The following NELL1 variants were observed in gnomAD, a reference collection of about 807,000 sequenced individuals.
NELL1 encodes neural EGFL like 1.
Under a neutral mutation model 107.4 loss-of-function variants are expected in NELL1, and 76 were observed. The ratio of observed to expected loss-of-function variants is 0.71; its 90% confidence interval spans 0.59 to 0.86. The LOEUF (loss-of-function observed/expected upper bound fraction) is 0.86, where lower values mean the gene tolerates loss of function less well. NELL1 is among the 40% of genes least tolerant of loss of function. The pLI is 0.00. For missense variants in NELL1, 1,024 were observed against 1,005.5 expected, an observed-to-expected ratio of 1.02 and a Z score of -0.25; for synonymous variants, 353 against 341.2, an observed-to-expected ratio of 1.03 and a Z score of -0.38.
At chr11:20,915,813 T>C (rs554384184) in intron 5 of NELL1, among the ~76,000 whole-genome samples, 1 of 149,278 alleles carries the variant, frequency 6.7e-6, no homozygotes, top group Non-Finnish European at 1.5e-5. Flanking sequence ...TGAAGGAAAC[T>C]ACATGCTTAG....
intron 12 of NELL1, among the ~76,000 whole-genome samples, chr11:21,054,311 G>C (rs938591): frequency 0.35 from 52,595 of 151,766 alleles, 10,713 homozygotes; most frequent in East Asian, 0.58. Context: ...CTTAAATATT[G>C]AAACCATAAT....
At chr11:21,194,253 C>T (rs1466078143) in intron 13 of NELL1, among the ~76,000 whole-genome samples, 2 of 149,294 alleles carry the variant, frequency 1.3e-5, no homozygotes, top group South Asian at 2.1e-4. Flanking sequence ...TCTTCACCTC[C>T]GGGTTCTAAC....
intron 14 of NELL1, among the ~76,000 whole-genome samples, chr11:21,349,015 C>A (rs1166499059): frequency 2.0e-5 from 3 of 152,072 alleles, no homozygotes; most frequent in African/African-American, 7.2e-5. Context: ...AGTGAAATAA[C>A]AGGAAATCAG....
chr11:21,269,556 GA>G (rs1484098647), intron 14 of NELL1, among the ~76,000 whole-genome samples: 4 of 152,014 alleles, frequency 2.6e-5, no homozygotes, highest in South Asian at 4.2e-4. Flanking sequence ...AGTGTTGAGG[GA>G]AAAAAAGCAA....
intron 14 of NELL1, among the ~76,000 whole-genome samples, chr11:21,263,128 G>A (rs906174613): frequency 2.0e-5 from 3 of 151,820 alleles, no homozygotes; most frequent in African/African-American, 7.3e-5. Context: ...TAATCATGGT[G>A]AGTAATCAAG....
At chr11:21,101,825 C>T (rs1854824441) in intron 12 of NELL1, among the ~76,000 whole-genome samples, 1 of 152,130 alleles carries the variant, frequency 6.6e-6, no homozygotes, top group Non-Finnish European at 1.5e-5. Flanking sequence ...TTTTGCTGTG[C>T]AGAAGCTCTT....
chr11:20,715,065 A>C (rs1362723833), intron 2 of NELL1, among the ~76,000 whole-genome samples: 1 of 152,000 alleles, frequency 6.6e-6, no homozygotes. Context: ...AACATGGTGA[A>C]ACCCCGTCTC....
intron 12 of NELL1, among the ~76,000 whole-genome samples, chr11:20,965,785 T>C (rs1002197200): frequency 2.0e-5 from 3 of 151,932 alleles, no homozygotes; most frequent in African/African-American, 7.3e-5. Context: ...GCTGGGAAAG[T>C]GGTAGAGAGA....
At chr11:21,154,576 G>A (rs1856189989) in intron 13 of NELL1, among the ~76,000 whole-genome samples, 1 of 152,106 alleles carries the variant, frequency 6.6e-6, no homozygotes, top group African/African-American at 2.4e-5. Flanking sequence ...TTAAATTATA[G>A]ATTCTCTTTT....
At chr11:21,108,123 G>T (rs1369072779) in intron 12 of NELL1, among the ~76,000 whole-genome samples, 1 of 152,176 alleles carries the variant, frequency 6.6e-6, no homozygotes, top group Non-Finnish European at 1.5e-5. Flanking sequence ...TGTACACAGG[G>T]AGTGGGGAAT....
intron 12 of NELL1, among the ~76,000 whole-genome samples, chr11:21,044,876 TG>T (rs1853319281): frequency 6.6e-6 from 1 of 152,078 alleles, no homozygotes; most frequent in Admixed American, 6.6e-5. Context: ...GTCTCAGAGA[TG>T]GGGAAGAGGG....
chr11:21,066,236 A>G (rs1853867332), intron 12 of NELL1, among the ~76,000 whole-genome samples: 1 of 152,150 alleles, frequency 6.6e-6, no homozygotes, highest in Admixed American at 6.6e-5. Context: ...CTGTTCTCTT[A>G]GTACACCATT....
chr11:21,173,902 C>A (rs780207357), intron 13 of NELL1, among the ~76,000 whole-genome samples: 3 of 151,682 alleles, frequency 2.0e-5, no homozygotes, highest in Non-Finnish European at 2.9e-5. Context: ...TACCTAATCT[C>A]TGTCCTAAAT....
chr11:21,410,924 C>T lies in NELL1; in HGVS notation c.1645+39976C>T, dbSNP rs554491625. Among the ~76,000 whole-genome samples, 329 of 152,092 alleles carry T rather than the reference C, an allele frequency of 2.2e-3. 4 individuals carry two copies. The highest frequency in any genetic ancestry group is 7.4e-3 in the African/African-American group (307 of 41,538). The stretch of plus-strand genomic sequence containing the variant: ...TAATATAAACTCAGAATTTCTTCCC[C>T]CACCCCCAACAGATGGTTCATATGG... On this transcript the variant is annotated intron_variant, in intron 15 of 19. Transcript: ENST00000357134.
intron 4 of NELL1, among the ~76,000 whole-genome samples, chr11:20,867,143 T>C (rs191044344): frequency 3.2e-4 from 49 of 152,218 alleles, no homozygotes; most frequent in African/African-American, 9.1e-4. Flanking sequence ...TCAACTGTTA[T>C]AGGATTAGAA....
intron 13 of NELL1, among the ~76,000 whole-genome samples, chr11:21,159,611 C>A (rs1488475949): frequency 6.6e-6 from 1 of 152,192 alleles, no homozygotes; most frequent in Non-Finnish European, 1.5e-5. Context: ...AAGATCCTGG[C>A]AGAAGGCATC....
chr11:21,411,429 ATG>A (rs1239322141), intron 15 of NELL1, among the ~76,000 whole-genome samples: 1 of 152,034 alleles, frequency 6.6e-6, no homozygotes, highest in East Asian at 1.9e-4. Context: ...CTCTATATTA[ATG>A]TGTGTCTATC....
rs1262914360 is a variant in NELL1, at chr11:21,095,282, A to G, written c.1301-18307A>G. 4.6e-5 allele frequency among the ~76,000 whole-genome samples: 7 copies of G among 152,178 alleles called. No homozygotes were observed. The East Asian group carries it at 1.3e-3, about 29-fold the overall frequency. ...CCTGAACCTTATTGTCCATATCGCTATCAGGCTTTTCATCAAAGCCATTCA... is the reference window on the plus strand; with the variant it reads ...CCTGAACCTTATTGTCCATATCGCTGTCAGGCTTTTCATCAAAGCCATTCA... On this transcript the variant is annotated intron_variant, in intron 12 of 19. Coordinates refer to ENST00000357134, the MANE Select transcript of NELL1 (RefSeq NM_006157.5).
intron 15 of NELL1, among the ~76,000 whole-genome samples, chr11:21,480,112 C>T (rs976410497): frequency 1.3e-5 from 2 of 152,216 alleles, no homozygotes; most frequent in East Asian, 1.9e-4. Context: ...CTATTATTTT[C>T]GTGTCTCTCA....
Sources: allele counts gnomAD v4.1 joint callset (sites outside exome capture counted in the v4.1 genomes callset), GRCh38; gene constraint gnomAD v4.1.1; transcripts MANE v1.5; gene names NCBI Gene and HGNC (gene_info 2026-07-23, HGNC 2026-07-21).